The following STXBP6 variants were observed in gnomAD, a reference collection of about 807,000 sequenced individuals.
STXBP6 encodes syntaxin binding protein 6.
A neutral mutation model predicts 26.9 loss-of-function variants in STXBP6; 21 were observed. The observed-to-expected ratio is 0.78, with a 90% confidence interval of 0.55 to 1.12. The LOEUF is 1.12. Ranked by LOEUF, STXBP6 falls within the 50% of genes most tolerant of loss-of-function variation. The pLI, the probability that STXBP6 is intolerant of heterozygous loss-of-function variation, is 0.00. For missense variants in STXBP6, 232 were observed against 257.9 expected, an observed-to-expected ratio of 0.90 and a Z score of 0.69; for synonymous variants, 97 against 92.6, an observed-to-expected ratio of 1.05 and a Z score of -0.27.
chr14:24,966,099 G>C (rs2073724285), intron 2 of STXBP6, among the ~76,000 whole-genome samples: 1 of 152,190 alleles, frequency 6.6e-6, no homozygotes, highest in Non-Finnish European at 1.5e-5. Context: ...TTAACAGTGG[G>C]CTGTGTGGTG....
intron 2 of STXBP6, among the ~76,000 whole-genome samples, chr14:24,959,785 G>T (rs2073467950): frequency 2.0e-5 from 3 of 152,214 alleles, no homozygotes; most frequent in Admixed American, 2.0e-4. Context: ...GAACTTTGCT[G>T]TATCAGCCAA....
At chr14:24,883,395 A>G (rs2070445545) in intron 2 of STXBP6, among the ~76,000 whole-genome samples, 1 of 152,238 alleles carries the variant, frequency 6.6e-6, no homozygotes, top group Admixed American at 6.5e-5. Flanking sequence ...AGATTTCCTT[A>G]GTCTCTACAT....
At chr14:24,928,183 C>T (rs2072248232) in intron 2 of STXBP6, among the ~76,000 whole-genome samples, 1 of 152,120 alleles carries the variant, frequency 6.6e-6, no homozygotes, top group Non-Finnish European at 1.5e-5. Flanking sequence ...TATACAAATG[C>T]ACATCATTAA....
At chr14:24,954,344 T>G (rs2073269109) in intron 2 of STXBP6, among the ~76,000 whole-genome samples, 1 of 152,056 alleles carries the variant, frequency 6.6e-6, no homozygotes. Context: ...GAGAAGACTC[T>G]GGAAAGCAGA....
At chr14:25,002,490 GC>G (rs1441833218) in intron 1 of STXBP6, among the ~76,000 whole-genome samples, 14 of 151,226 alleles carry the variant, frequency 9.3e-5, no homozygotes, top group African/African-American at 3.4e-4. Flanking sequence ...CTCCCAAGTA[GC>G]TGGGACTATA....
intron 1 of STXBP6, among the ~76,000 whole-genome samples, chr14:25,019,772 T>G (rs187239172): frequency 4.9e-4 from 75 of 152,292 alleles, no homozygotes; most frequent in African/African-American, 1.7e-3. Flanking sequence ...TATAGATTTC[T>G]GCATATTGAC....
At chr14:25,002,359 C>CTTTCTTTTT (rs2074780688) in intron 1 of STXBP6, among the ~76,000 whole-genome samples, 1 of 121,356 alleles carries the variant, frequency 8.2e-6, no homozygotes, top group Admixed American at 8.2e-5. Flanking sequence ...ATTCTTATGA[C>CTTTCTTTTT]TTTTTTTTTT....
chr14:24,960,696 C>T (rs1305288669), intron 2 of STXBP6, among the ~76,000 whole-genome samples: 2 of 152,178 alleles, frequency 1.3e-5, no homozygotes, highest in East Asian at 1.9e-4. Context: ...TTGGCCTTTA[C>T]AGCTGAACCC....
intron 2 of STXBP6, chr14:24,878,722 G>C: frequency 2.4e-6 from 1 of 419,546 alleles, no homozygotes; most frequent in South Asian, 1.8e-5. Flanking sequence ...GACACGCTGG[G>C]ATGTTCAACC....
At chr14:24,942,117 T>C (rs1301515347) in intron 2 of STXBP6, among the ~76,000 whole-genome samples, 1 of 152,068 alleles carries the variant, frequency 6.6e-6, no homozygotes, top group African/African-American at 2.4e-5. Context: ...TTCAATGAAA[T>C]TGTAGGATGG....
chr14:25,011,616 C>T (rs1260452926), intron 1 of STXBP6, among the ~76,000 whole-genome samples: 2 of 152,054 alleles, frequency 1.3e-5, no homozygotes, highest in Non-Finnish European at 2.9e-5. Context: ...ACTACAAAAT[C>T]CAGTTATATT....
chr14:24,908,776 A>G (rs1002497243), intron 2 of STXBP6, among the ~76,000 whole-genome samples: 1 of 152,158 alleles, frequency 6.6e-6, no homozygotes, highest in African/African-American at 2.4e-5. Context: ...AGGAGCTCCA[A>G]CAGCCCTCAA....
rs1278593611 is a variant in STXBP6, at chr14:24,879,446, TAA to T, written c.155-22291_155-22290del. Reference sequence around the variant, plus strand: ...TATCAAGATATTATTGATCGAAAGATAAAAAAGTTTCTTGCCCTCCTCCCTGC... The same window carrying T: ...TATCAAGATATTATTGATCGAAAGATAAAAGTTTCTTGCCCTCCTCCCTGC... On this transcript the variant is annotated intron_variant, in intron 2 of 5. Coordinates refer to ENST00000323944, the MANE Select transcript of STXBP6 (RefSeq NM_001394410.1). Among the ~76,000 whole-genome samples, 5 of 152,308 alleles carry T rather than the reference TAA, an allele frequency of 3.3e-5. No homozygotes were observed. The South Asian group carries it at 1.0e-3, about 32-fold the overall frequency.
chr14:24,894,574 CCCA>C (rs2070916806), intron 2 of STXBP6, among the ~76,000 whole-genome samples: 2 of 152,266 alleles, frequency 1.3e-5, no homozygotes, highest in South Asian at 4.1e-4. Flanking sequence ...TTCCATATCC[CCCA>C]ATCCATAGAA....
chr14:24,984,917 C>T (rs894719581), intron 1 of STXBP6, among the ~76,000 whole-genome samples: 2 of 152,156 alleles, frequency 1.3e-5, no homozygotes, highest in Non-Finnish European at 2.9e-5. Context: ...CTCTTTCTTA[C>T]TATCTCATAT....
At chr14:24,878,864 G>C in intron 2 of STXBP6, 1 of 435,858 alleles carries the variant, frequency 2.3e-6, no homozygotes, top group Non-Finnish European at 4.6e-6. Context: ...GAGCTATTAT[G>C]CCTTTCCCTA....
At chr14:24,887,166 T>A (rs577608466) in intron 2 of STXBP6, among the ~76,000 whole-genome samples, 1 of 152,210 alleles carries the variant, frequency 6.6e-6, no homozygotes, top group Admixed American at 6.5e-5. Flanking sequence ...ATAATACATA[T>A]AACATTTCTC....
At chr14:25,015,399 T>C (rs1236433900) in intron 1 of STXBP6, among the ~76,000 whole-genome samples, 2 of 151,226 alleles carry the variant, frequency 1.3e-5, no homozygotes, top group Non-Finnish European at 2.9e-5. Flanking sequence ...ACCCACAGTC[T>C]CCACCCCTTC....
At chr14:24,841,073 C>T (rs2068769734) in intron 4 of STXBP6, among the ~76,000 whole-genome samples, 1 of 152,174 alleles carries the variant, frequency 6.6e-6, no homozygotes, top group African/African-American at 2.4e-5. Context: ...TTCTTACACT[C>T]CACTCCTACC....
Sources: gnomAD v4.1 joint callset for allele counts (sites outside exome capture counted in the v4.1 genomes callset) on GRCh38, gnomAD v4.1.1 for gene constraint, MANE v1.5 for transcripts, NCBI Gene and HGNC (gene_info 2026-07-23, HGNC 2026-07-21) for gene names.